LHPP: variants seen among roughly 807,000 people sequenced by gnomAD.
LHPP encodes phospholysine phosphohistidine inorganic pyrophosphate phosphatase.
In LHPP, 24 loss-of-function variants were observed where a neutral mutation model predicts 30.3. That is an observed-to-expected ratio of 0.79 (90% CI 0.57 to 1.11). The LOEUF is 1.11. Ranked by LOEUF, LHPP falls within the 50% of genes most tolerant of loss-of-function variation. LHPP has a pLI of 0.00. For missense variants in LHPP, 356 were observed against 367.2 expected, an observed-to-expected ratio of 0.97 and a Z score of 0.25; for synonymous variants, 150 against 157.1, an observed-to-expected ratio of 0.95 and a Z score of 0.34.
intron 6 of LHPP, among the ~76,000 whole-genome samples, chr10:124,598,097 T>C (rs10736888): frequency 0.92 from 139,596 of 152,284 alleles, 64,328 homozygotes; most frequent in East Asian, 1. Context: ...GTTGGGTCAG[T>C]GGTAAGATGG....
rs147086091 is a variant in LHPP, at chr10:124,562,079, G to A, written c.716+44808G>A. Reference sequence around the variant, plus strand: ...CCCAGCACTTTGGGAGGCTGAGGTCGGTGGATCACTTGAGCCCAGGAGTTT... The same window carrying A: ...CCCAGCACTTTGGGAGGCTGAGGTCAGTGGATCACTTGAGCCCAGGAGTTT... On this transcript the variant is annotated intron_variant, in intron 6 of 6. Coordinates refer to ENST00000368842, the MANE Select transcript of LHPP (RefSeq NM_022126.4). Among the ~76,000 whole-genome samples, 210 of 152,302 alleles carry A rather than the reference G, an allele frequency of 1.4e-3. 2 individuals carry two copies. In the East Asian group the frequency reaches 0.019, roughly 13 times the overall value.
chr10:124,538,200 G>GCAGGGTCACCATA (rs1955085093), intron 6 of LHPP, among the ~76,000 whole-genome samples: 1 of 152,014 alleles, frequency 6.6e-6, no homozygotes, highest in African/African-American at 2.4e-5. Context: ...GGGTCACCAT[G>GCAGGGTCACCATA]TGGGGTCACC....
At chr10:124,534,780 C>T (rs929597587) in intron 6 of LHPP, among the ~76,000 whole-genome samples, 4 of 152,110 alleles carry the variant, frequency 2.6e-5, no homozygotes, top group African/African-American at 9.7e-5. Flanking sequence ...CTGGCGCTGT[C>T]GGTGGTGTGG....
rs560830027 is a variant in LHPP at position 124,517,127 on chromosome 10, G to A, written c.625-53G>A. ...ATGTCAAAAAAAGATGAAGGAGCCC[G>A]GGAATAAAACTCTCCTGACATCACT... On this transcript the variant is annotated intron_variant, in intron 5 of 6. Coordinates refer to ENST00000368842, the MANE Select transcript of LHPP (RefSeq NM_022126.4). The surrounding 1 kb of genome is among the most constrained non-coding windows in gnomAD (Gnocchi z 4.1). 239 of 1,235,162 alleles carry A rather than the reference G, an allele frequency of 1.9e-4. 3 individuals are homozygous for A. In the South Asian group the frequency reaches 2.5e-3, roughly 13 times the overall value. The allele number at this position is 1,235,162 out of a possible 1,614,324, so 76.5% of individuals were successfully genotyped here.
At chr10:124,506,719 G>T (rs1156321560) in intron 5 of LHPP, among the ~76,000 whole-genome samples, 5 of 71,560 alleles carry the variant, frequency 7.0e-5, no homozygotes, top group African/African-American at 2.9e-4. Context: ...GATTTCAAGT[G>T]GGGTGGGTAA....
chr10:124,497,724 G>A (rs1056930275), intron 4 of LHPP, among the ~76,000 whole-genome samples: 1 of 152,202 alleles, frequency 6.6e-6, no homozygotes, highest in African/African-American at 2.4e-5. Context: ...GGAATTGCAG[G>A]CGAGTGAGCA....
At chr10:124,559,747 C>A (rs1948361210) in intron 6 of LHPP, among the ~76,000 whole-genome samples, 1 of 152,254 alleles carries the variant, frequency 6.6e-6, no homozygotes, top group African/African-American at 2.4e-5. Context: ...GAGATCAGTT[C>A]TTGGAAGTGC....
chr10:124,551,093 C>T (rs969236264), intron 6 of LHPP, among the ~76,000 whole-genome samples: 2 of 152,216 alleles, frequency 1.3e-5, no homozygotes, highest in African/African-American at 4.8e-5. Context: ...CCAGGCCTGT[C>T]GCCATCACTG....
At chr10:124,528,381 C>T (rs894068634) in intron 6 of LHPP, among the ~76,000 whole-genome samples, 9 of 151,304 alleles carry the variant, frequency 5.9e-5, no homozygotes, top group East Asian at 3.9e-4. Context: ...TTTTTTGAAA[C>T]GGAGTCTTGC....
At chr10:124,505,106 GC>G (rs1189113481) in intron 5 of LHPP, among the ~76,000 whole-genome samples, 1 of 152,006 alleles carries the variant, frequency 6.6e-6, no homozygotes, top group Non-Finnish European at 1.5e-5. Context: ...TGACATTTCT[GC>G]CTGTCCCCTT....
chr10:124,529,201 AT>A (rs938707804), intron 6 of LHPP, among the ~76,000 whole-genome samples: 1 of 151,308 alleles, frequency 6.6e-6, no homozygotes, highest in Admixed American at 6.6e-5. Context: ...TGCCCAGCTA[AT>A]TTTTTTGTAT....
intron 1 of LHPP, among the ~76,000 whole-genome samples, chr10:124,465,087 G>C (rs922563541): frequency 2.6e-5 from 4 of 152,180 alleles, no homozygotes; most frequent in African/African-American, 4.8e-5. Flanking sequence ...AGGGTACTGA[G>C]AGTGTGATGG....
intron 6 of LHPP, among the ~76,000 whole-genome samples, chr10:124,610,807 TGC>T (rs1949177099): frequency 9.6e-6 from 1 of 103,958 alleles, no homozygotes; most frequent in African/African-American, 3.9e-5. Flanking sequence ...CGGGTGAGGG[TGC>T]TGATGGAGCG....
rs375952823 is a variant in LHPP, at chr10:124,494,026, T to G, written c.468-2935T>G. 15 of 152,260 alleles carry G rather than the reference T, an allele frequency of 9.9e-5. No homozygotes were observed. The East Asian group carries it at 2.9e-3, about 29-fold the overall frequency. 9.4% of individuals were successfully genotyped at this position (152,260 alleles called of 1,614,324 possible). ...GTTTTTTAAAAAATAAACGTTAAAGTTTCTCATTTTGATTTCTGGAAGTTC... is the reference window on the plus strand; with the variant it reads ...GTTTTTTAAAAAATAAACGTTAAAGGTTCTCATTTTGATTTCTGGAAGTTC... On this transcript the variant is annotated intron_variant, in intron 3 of 6. Transcript: ENST00000368842.
At chr10:124,514,864 C>G (rs1255611693) in intron 5 of LHPP, among the ~76,000 whole-genome samples, 1 of 151,574 alleles carries the variant, frequency 6.6e-6, no homozygotes, top group Non-Finnish European at 1.5e-5. Flanking sequence ...TGCAGTGGCA[C>G]AAACACAGCT....
chr10:124,538,471 G>A (rs927247090), intron 6 of LHPP, among the ~76,000 whole-genome samples: 10 of 152,310 alleles, frequency 6.6e-5, no homozygotes, highest in Admixed American at 5.2e-4. Flanking sequence ...CAGGCTGTTT[G>A]TTCTGAGCTG....
In LHPP at chr10:124,577,932, G is replaced by A. The variant is rs530693496; in HGVS notation, c.717-35332G>A. Among the ~76,000 whole-genome samples, 63 of 152,204 alleles carry A rather than the reference G, an allele frequency of 4.1e-4. 1 individual carries two copies. Among genetic ancestry groups the A allele is most frequent in the African/African-American group, 1.4e-3 (60 of 41,530 alleles). ...GTGGGGCCACACTGGTCCCCACCTC[G>A]GTGCAGCACACACAGCCCCATCCTG... On this transcript the variant is annotated intron_variant, in intron 6 of 6. Coordinates refer to ENST00000368842, the MANE Select transcript of LHPP (RefSeq NM_022126.4).
At chr10:124,513,089 T>C (rs1954349117) in intron 5 of LHPP, among the ~76,000 whole-genome samples, 1 of 152,066 alleles carries the variant, frequency 6.6e-6, no homozygotes, top group Non-Finnish European at 1.5e-5. Flanking sequence ...TTTGTTTGTT[T>C]GTTTGTTTGT....
At chr10:124,606,685 G>T (rs1949097331) in intron 6 of LHPP, among the ~76,000 whole-genome samples, 1 of 152,268 alleles carries the variant, frequency 6.6e-6, no homozygotes, top group Non-Finnish European at 1.5e-5. Flanking sequence ...CTTTTTTGGG[G>T]ACAGAGCAGG....
Sources: gnomAD v4.1 joint callset for allele counts (sites outside exome capture counted in the v4.1 genomes callset) on GRCh38, gnomAD v4.1.1 for gene constraint, Gnocchi (gnomAD v3.1) non-coding constraint, MANE v1.5 for transcripts, NCBI Gene and HGNC (gene_info 2026-07-23, HGNC 2026-07-21) for gene names.